Variants in ACTN2 observed in about 807,000 individuals in gnomAD.
ACTN2 encodes alpha-actinin-2.
A neutral mutation model predicts 113.8 loss-of-function variants in ACTN2; 39 were observed. That is an observed-to-expected ratio of 0.34 (90% confidence interval 0.27 to 0.45). ACTN2 has a LOEUF of 0.45. Ranked by LOEUF, ACTN2 falls within the 20% of genes least tolerant of loss-of-function variation. ACTN2 has a pLI of 1.00. For synonymous variants in ACTN2, 429 were observed against 444.1 expected, an observed-to-expected ratio of 0.97 and a Z score of 0.43; for missense variants, 992 against 1,177.9, an observed-to-expected ratio of 0.84 and a Z score of 2.31.
chr1:236,709,246 A>ATG (rs1657930005), intron 1 of ACTN2, among the ~76,000 whole-genome samples: 2 of 93,662 alleles, frequency 2.1e-5, no homozygotes, highest in African/African-American at 7.0e-5. Flanking sequence ...ATATATATAT[A>ATG]TATATATATA....
chr1:236,752,367 G>A (rs182432244), intron 15 of ACTN2, among the ~76,000 whole-genome samples: 480 of 152,052 alleles, frequency 3.2e-3, no homozygotes, highest in Middle Eastern at 0.01. Context: ...GACAAAAACA[G>A]GTATGAGGAA....
At chr1:236,692,339 A>G (rs1379228760) in intron 1 of ACTN2, among the ~76,000 whole-genome samples, 1 of 152,248 alleles carries the variant, frequency 6.6e-6, no homozygotes, top group Non-Finnish European at 1.5e-5. Flanking sequence ...ATTGACAAGC[A>G]ACAACCAAAC....
rs35264789 is a variant in ACTN2 at position 236,697,934 on chromosome 1, A to ATTT, written c.126+11152_126+11154dup. On this transcript the variant is annotated intron_variant, in intron 1 of 20. Transcript: ENST00000366578. The stretch of plus-strand genomic sequence containing the variant: ...GCCATCATGCCTGGCTAATTTTCGT[A>ATTT]TTTTTTTTTTTTTTTTTTTAGCAGA... Among the ~76,000 whole-genome samples the ATTT allele has an allele frequency of 1.4e-3, 177 of 127,246 alleles. 2 individuals are homozygous for ATTT. Among genetic ancestry groups the ATTT allele is most frequent in the African/African-American group, 5.0e-3 (168 of 33,360 alleles). 83.5% of individuals were successfully genotyped at this position (127,246 alleles called of 152,430 possible).
chr1:236,755,485 T>C (rs1032154849), intron 17 of ACTN2, among the ~76,000 whole-genome samples: 2 of 152,228 alleles, frequency 1.3e-5, no homozygotes, highest in African/African-American at 4.8e-5. Flanking sequence ...GTTGCATTTC[T>C]GCCAGTTAGG....
chr1:236,758,582 C>G (rs982499604), intron 18 of ACTN2, among the ~76,000 whole-genome samples: 1 of 147,168 alleles, frequency 6.8e-6, no homozygotes, highest in East Asian at 2.0e-4. Flanking sequence ...AGCCACCGCA[C>G]CTGGCCTTTT....
chr1:236,688,705 C>A (rs1245659385), intron 1 of ACTN2, among the ~76,000 whole-genome samples: 1 of 152,108 alleles, frequency 6.6e-6, no homozygotes, highest in East Asian at 1.9e-4. Context: ...TAGGAGAGAT[C>A]TAGAAGATTC....
intron 1 of ACTN2, among the ~76,000 whole-genome samples, chr1:236,696,145 A>G (rs746627448): frequency 4.1e-4 from 63 of 152,140 alleles, no homozygotes; most frequent in Admixed American, 9.8e-4. Flanking sequence ...CATCTCTATT[A>G]AAAATCCAAA....
At chr1:236,738,606 A>G (rs772173318) in intron 9 of ACTN2, among the ~76,000 whole-genome samples, 2 of 152,162 alleles carry the variant, frequency 1.3e-5, no homozygotes, top group Non-Finnish European at 1.5e-5. Context: ...CACCATTTAA[A>G]CTATTTTTCA....
At chr1:236,725,383 T>G (rs1658517597) in intron 4 of ACTN2, among the ~76,000 whole-genome samples, 1 of 152,142 alleles carries the variant, frequency 6.6e-6, no homozygotes, top group Non-Finnish European at 1.5e-5. Context: ...ATCCCAGCAC[T>G]TTGGGAGGCT....
chr1:236,691,661 A>G (rs1336836130), intron 1 of ACTN2, among the ~76,000 whole-genome samples: 1 of 152,132 alleles, frequency 6.6e-6, no homozygotes, highest in African/African-American at 2.4e-5. Flanking sequence ...TAAAAAAATA[A>G]TAAGTGTAGT....
At chr1:236,719,060 C>T (rs569950571) in intron 3 of ACTN2, 47 bp downstream of exon 3, 17 of 1,610,518 alleles carry the variant, frequency 1.1e-5, no homozygotes, top group African/African-American at 6.7e-5. Context: ...GACCTAATAG[C>T]GTAGGTGTGG....
In ACTN2 at chr1:236,763,941, T is replaced by C. The variant is rs1457387830; in HGVS notation, c.*1322T>C. 2 of 152,222 alleles carry C rather than the reference T, an allele frequency of 1.3e-5. No individual in the cohort carries two copies. Among genetic ancestry groups the C allele is most frequent in the Non-Finnish European group, 2.9e-5 (2 of 68,034 alleles). The allele number at this position is 152,222 out of a possible 1,614,324, so 9.4% of individuals were successfully genotyped here. A position where few individuals can be genotyped will look rare whatever the true frequency, so the allele number is the denominator to read the frequency against. Reference sequence around the variant, plus strand: ...CTTGTAGAGAATAAAGCAGGAATTCTTTTTATATCTGAGTCCTTAATGATC... The same window carrying C: ...CTTGTAGAGAATAAAGCAGGAATTCCTTTTATATCTGAGTCCTTAATGATC... On this transcript the variant is annotated 3_prime_UTR_variant, in exon 21 of 21. Transcript: ENST00000366578.
rs879452598 is a variant in ACTN2, at chr1:236,703,662, C to CT, written c.127-14183dup. Among the ~76,000 whole-genome samples the CT allele has an allele frequency of 3.9e-3, 561 of 142,180 alleles. 1 individual carries two copies. The highest frequency in any genetic ancestry group is 0.011 in the African/African-American group (416 of 39,206). The allele number at this position is 142,180 out of a possible 152,430, so 93.3% of individuals were successfully genotyped here. On this transcript the variant is annotated intron_variant, in intron 1 of 20. Transcript: ENST00000366578. ...TCATTTAGGAGAGATAATGCTCTAT[C>CT]TTTTTTTTTTTTTAATAATTAAAAT...
chr1:236,722,996 C>T (rs146323384), intron 4 of ACTN2, among the ~76,000 whole-genome samples: 11 of 152,326 alleles, frequency 7.2e-5, no homozygotes, highest in East Asian at 5.8e-4. Flanking sequence ...AGGAAAAAGC[C>T]TTGTTCGGCA....
chr1:236,746,459 G>T (rs1659241664), intron 12 of ACTN2, among the ~76,000 whole-genome samples: 1 of 152,092 alleles, frequency 6.6e-6, no homozygotes, highest in African/African-American at 2.4e-5. Flanking sequence ...TGTAATCCTT[G>T]TACTTTGGGA....
chr1:236,709,326 ACATG>A (rs1482955330), intron 1 of ACTN2, among the ~76,000 whole-genome samples: 1 of 139,638 alleles, frequency 7.2e-6, no homozygotes, highest in Non-Finnish European at 1.5e-5. Flanking sequence ...GTATATATAT[ACATG>A]TATATATATA....
rs150379012 is a variant in ACTN2, at chr1:236,713,427, G to C, written c.127-4431G>C. ...TTTTTTGTAGAGACAGGGTTTCTCC[G>C]TGTTGGTCAGGCTGGTCTTGCACTC... On this transcript the variant is annotated intron_variant, in intron 1 of 20. Transcript: ENST00000366578. Among the ~76,000 whole-genome samples the C allele has an allele frequency of 1.4e-4, 22 of 152,164 alleles. No individual in the cohort carries two copies. In the East Asian group the frequency reaches 3.3e-3, roughly 23 times the overall value.
rs1414154557 is a variant in ACTN2 at position 236,763,372 on chromosome 1, G to A, written c.*753G>A. ...GAAGGATGCAATCACTAGGTAAAAT[G>A]AGGTTTTTAGGATTATTTATTGATT... On this transcript the variant is annotated 3_prime_UTR_variant, in exon 21 of 21. Transcript: ENST00000366578. The A allele has an allele frequency of 6.5e-6, 1 of 152,804 alleles. No individual in the cohort carries two copies. Among genetic ancestry groups the A allele is most frequent in the East Asian group, 1.9e-4 (1 of 5,180 alleles). 9.5% of individuals were successfully genotyped at this position (152,804 alleles called of 1,614,324 possible).
intron 10 of ACTN2, among the ~76,000 whole-genome samples, chr1:236,741,774 C>T (rs1659075562): frequency 6.6e-6 from 1 of 152,212 alleles, no homozygotes; most frequent in Non-Finnish European, 1.5e-5. Context: ...ATTCATCCCG[C>T]CTACATCAGC....
Sources: gnomAD v4.1 joint callset for allele counts (sites outside exome capture counted in the v4.1 genomes callset) on GRCh38, gnomAD v4.1.1 for gene constraint, MANE v1.5 for transcripts, NCBI Gene and HGNC (gene_info 2026-07-23, HGNC 2026-07-21) for gene names.